Variants in AOAH observed in about 807,000 individuals in gnomAD.
AOAH encodes acyloxyacyl hydrolase (neutrophil).
In AOAH, 64 loss-of-function variants were observed where a neutral mutation model predicts 92.2. The observed-to-expected ratio is 0.69, with a 90% CI of 0.57 to 0.86. The LOEUF is 0.86. AOAH is among the 40% of genes least tolerant of loss of function. The pLI, the probability that AOAH is intolerant of heterozygous loss-of-function variation, is 0.00. For missense variants in AOAH, 656 were observed against 694.6 expected (o/e 0.94, Z 0.62); for synonymous variants, 263 against 254.5 (o/e 1.03, Z -0.32).
intron 11 of AOAH, among the ~76,000 whole-genome samples, chr7:36,597,010 C>G (rs1391555522): frequency 6.6e-6 from 1 of 152,160 alleles, no homozygotes; most frequent in Non-Finnish European, 1.5e-5. Flanking sequence ...TTCCTCTGCT[C>G]CTCCTTCTTC....
chr7:36,536,980 T>C (rs902511681), intron 16 of AOAH, among the ~76,000 whole-genome samples: 3 of 71,700 alleles, frequency 4.2e-5, no homozygotes, highest in Non-Finnish European at 5.9e-5. Flanking sequence ...AAAAAAAGAA[T>C]CACACCTTCC....
chr7:36,680,857 G>T (rs1796599928), intron 2 of AOAH, among the ~76,000 whole-genome samples: 1 of 152,200 alleles, frequency 6.6e-6, no homozygotes, highest in Non-Finnish European at 1.5e-5. Context: ...CCCTTGGTGA[G>T]ATACCGGTTT....
intron 19 of AOAH, among the ~76,000 whole-genome samples, chr7:36,522,338 T>G (rs1015334157): frequency 1.3e-5 from 2 of 152,226 alleles, no homozygotes; most frequent in African/African-American, 4.8e-5. Flanking sequence ...GTGAGAGCAT[T>G]GGATGAATGT....
chr7:36,630,362 T>C (rs540589288), intron 6 of AOAH, among the ~76,000 whole-genome samples: 71 of 152,212 alleles, frequency 4.7e-4, no homozygotes, highest in African/African-American at 1.6e-3. Context: ...CAGGCTAAAG[T>C]AATAGGAGCT....
chr7:36,631,601 TG>T (rs1369770362), intron 6 of AOAH, among the ~76,000 whole-genome samples: 1 of 152,188 alleles, frequency 6.6e-6, no homozygotes, highest in Non-Finnish European at 1.5e-5. Context: ...TGTAATAGTT[TG>T]GGCGCTGTGA....
intron 1 of AOAH, among the ~76,000 whole-genome samples, chr7:36,703,722 A>G (rs1463810212): frequency 2.0e-5 from 3 of 151,968 alleles, no homozygotes; most frequent in Non-Finnish European, 4.4e-5. Context: ...AAGGACACGA[A>G]GTCATTGGTT....
intron 1 of AOAH, among the ~76,000 whole-genome samples, chr7:36,712,496 G>T (rs1381215582): frequency 1.3e-5 from 2 of 152,100 alleles, no homozygotes; most frequent in Admixed American, 1.3e-4. Flanking sequence ...GTAAAGAAAT[G>T]TTTTGCAAAA....
At chr7:36,694,068 A>G (rs1735516279) in intron 1 of AOAH, among the ~76,000 whole-genome samples, 1 of 152,216 alleles carries the variant, frequency 6.6e-6, no homozygotes, top group African/African-American at 2.4e-5. Flanking sequence ...TACTGGAAGC[A>G]AAGAACTAGA....
intron 9 of AOAH, 133 bp from the exon 10 acceptor site, chr7:36,618,478 C>T: frequency 1.3e-6 from 1 of 768,622 alleles, no homozygotes; most frequent in Non-Finnish European, 2.2e-6. Context: ...TTCTTAAGCC[C>T]CTAATTCAAC....
chr7:36,597,177 A>T (rs1445281669), intron 11 of AOAH, among the ~76,000 whole-genome samples: 1 of 152,140 alleles, frequency 6.6e-6, no homozygotes, highest in African/African-American at 2.4e-5. Flanking sequence ...ATCCTCTTTA[A>T]AAACCAGAAA....
At chr7:36,688,192 G>A (rs1173577117) in intron 1 of AOAH, among the ~76,000 whole-genome samples, 2 of 152,028 alleles carry the variant, frequency 1.3e-5, no homozygotes, top group Admixed American at 6.6e-5. Flanking sequence ...AGTAGCTGAC[G>A]CTTATCAGCA....
intron 12 of AOAH, among the ~76,000 whole-genome samples, chr7:36,591,010 T>TGA (rs1339172151): frequency 1.3e-5 from 2 of 152,206 alleles, no homozygotes; most frequent in African/African-American, 2.4e-5. Flanking sequence ...ACATAGCAAA[T>TGA]TATGATCCCA....
chr7:36,516,752 A>T lies in AOAH; in HGVS notation c.1600-3372T>A, dbSNP rs909195621. The stretch of plus-strand genomic sequence containing the variant: ...ATTGGCTTTCAACTTGATACACCTA[A>T]GCTCTTTCTAACAATTATGTGGTAC... On this transcript the variant is annotated intron_variant, in intron 20 of 20. Transcript: ENST00000617537. The surrounding 1 kb of genome is among the most constrained non-coding windows in gnomAD (Gnocchi z 5.0). Among the ~76,000 whole-genome samples, 1 of 152,168 alleles carries T rather than the reference A, an allele frequency of 6.6e-6. No homozygotes were observed. The highest frequency in any genetic ancestry group is 1.5e-5 in the Non-Finnish European group (1 of 68,036).
At chr7:36,671,938 C>T (rs1046258174) in intron 3 of AOAH, among the ~76,000 whole-genome samples, 7 of 151,944 alleles carry the variant, frequency 4.6e-5, no homozygotes, top group Admixed American at 3.3e-4. Context: ...GTGAAGACTT[C>T]GAATAATTTT....
intron 4 of AOAH, among the ~76,000 whole-genome samples, chr7:36,650,880 T>C (rs1313332717): frequency 6.6e-6 from 1 of 152,056 alleles, no homozygotes; most frequent in Non-Finnish European, 1.5e-5. Flanking sequence ...AGAAATAAAG[T>C]GGTGTGAGAG....
At chr7:36,611,471 A>T (rs979561080) in intron 11 of AOAH, among the ~76,000 whole-genome samples, 2 of 152,236 alleles carry the variant, frequency 1.3e-5, no homozygotes, top group Non-Finnish European at 2.9e-5. Flanking sequence ...TGCAAACAGC[A>T]GATGAAAACG....
intron 12 of AOAH, 27 bp downstream of exon 12, chr7:36,594,312 T>G: frequency 6.4e-7 from 1 of 1,557,530 alleles, no homozygotes; most frequent in Non-Finnish European, 8.9e-7. Context: ...GGTATTGAAA[T>G]GTCTGAGGGT....
intron 11 of AOAH, among the ~76,000 whole-genome samples, chr7:36,613,642 G>A (rs1441344373): frequency 6.6e-6 from 1 of 152,118 alleles, no homozygotes; most frequent in Admixed American, 6.5e-5. Context: ...CCAGCTGCCT[G>A]ACCACTTTGC....
At chr7:36,611,641 C>A (rs1365819366) in intron 11 of AOAH, among the ~76,000 whole-genome samples, 1 of 152,052 alleles carries the variant, frequency 6.6e-6, no homozygotes, top group East Asian at 1.9e-4. Flanking sequence ...AAAGTGTGGG[C>A]CCCAGGTTAC....
Sources: gnomAD v4.1 joint callset for allele counts (sites outside exome capture counted in the v4.1 genomes callset) on GRCh38, gnomAD v4.1.1 for gene constraint, Gnocchi (gnomAD v3.1) non-coding constraint, MANE v1.5 for transcripts, NCBI Gene and HGNC (gene_info 2026-07-23, HGNC 2026-07-21) for gene names.